UNC79: variants seen among roughly 807,000 people sequenced by gnomAD.
The protein encoded by UNC79 is protein unc-79 homolog.
Under a neutral mutation model 283.1 loss-of-function variants are expected in UNC79, and 37 were observed. The ratio of observed to expected loss-of-function variants is 0.13; its 90% CI spans 0.10 to 0.17. UNC79 has a LOEUF of 0.17. UNC79 is among the 10% of genes least tolerant of loss of function. The probability of loss-of-function intolerance (pLI) is 1.00; values close to 1 mark genes in which losing one functional copy is unlikely to be tolerated. For missense variants in UNC79, 2,272 were observed against 3,211.1 expected, an observed-to-expected ratio of 0.71 and a Z score of 7.07; for synonymous variants, 1,107 against 1,200.2, an observed-to-expected ratio of 0.92 and a Z score of 1.61.
intron 41 of UNC79, among the ~76,000 whole-genome samples, chr14:93,674,801 TG>T (rs994140320): frequency 3.5e-4 from 53 of 152,232 alleles, no homozygotes; most frequent in African/African-American, 1.2e-3. Flanking sequence ...CTGTATTGCA[TG>T]GGGGGGTTCA....
chr14:93,454,546 A>G (rs540699398), intron 1 of UNC79, among the ~76,000 whole-genome samples: 31 of 152,206 alleles, frequency 2.0e-4, no homozygotes, highest in Admixed American at 1.2e-3. Context: ...TTTACCTCCT[A>G]TGTGATCTTG....
intron 40 of UNC79, among the ~76,000 whole-genome samples, chr14:93,670,529 T>C (rs2072729500): frequency 6.6e-6 from 1 of 152,240 alleles, no homozygotes. Context: ...GCAAGGCACA[T>C]GGGAAGGGGC....
intron 1 of UNC79, among the ~76,000 whole-genome samples, chr14:93,378,033 C>A (rs1265733535): frequency 6.6e-6 from 1 of 152,144 alleles, no homozygotes; most frequent in Non-Finnish European, 1.5e-5. Context: ...TTTTAGAAAT[C>A]ACTAAAAATA....
intron 39 of UNC79, among the ~76,000 whole-genome samples, chr14:93,661,584 C>T (rs936554001): frequency 1.3e-5 from 2 of 152,182 alleles, no homozygotes; most frequent in Admixed American, 6.5e-5. Context: ...GCTTTGAATT[C>T]TACCTGATAC....
At chr14:93,704,817 G>C (rs1012442205) in intron 48 of UNC79, 151 bp downstream of exon 51, 3 of 957,150 alleles carry the variant, frequency 3.1e-6, no homozygotes, top group Non-Finnish European at 3.2e-6. Context: ...AGACCTGTGG[G>C]CCAGGTAAGG....
chr14:93,640,584 C>T (rs1566836508), intron 32 of UNC79, among the ~76,000 whole-genome samples: 1 of 152,152 alleles, frequency 6.6e-6, no homozygotes, highest in Non-Finnish European at 1.5e-5. Context: ...GCTGTGCTCA[C>T]GCCACTGCAT....
At chr14:93,444,287 G>GT (rs1456060657) in intron 1 of UNC79, among the ~76,000 whole-genome samples, 1 of 151,850 alleles carries the variant, frequency 6.6e-6, no homozygotes, top group Non-Finnish European at 1.5e-5. Flanking sequence ...ATTTTTATTG[G>GT]TTTTTTTGAT....
Position 93,690,491 on chromosome 14 carries a change from G to A in UNC79, c.7272+188G>A, listed in dbSNP as rs978684154. ...AGATTCCCAGACTGTCTTTCCCCCCGCCCCCAAATTGTTTTTCGGCTTACT... is the reference window on the plus strand; with the variant it reads ...AGATTCCCAGACTGTCTTTCCCCCCACCCCCAAATTGTTTTTCGGCTTACT... On this transcript the variant is annotated intron_variant, in intron 45 of 48. Transcript: ENST00000555664. This position sits in a 1 kb window ranked among gnomAD's most constrained non-coding sequence, Gnocchi z 4.3. 4 of 582,814 alleles carry A rather than the reference G, an allele frequency of 6.9e-6. No individual in the cohort carries two copies. Among genetic ancestry groups the A allele is most frequent in the South Asian group, 4.4e-5 (1 of 22,628 alleles). 36.1% of individuals were successfully genotyped at this position (582,814 alleles called of 1,614,324 possible).
At chr14:93,489,159 A>C (rs2058603023) in intron 5 of UNC79, among the ~76,000 whole-genome samples, 1 of 152,192 alleles carries the variant, frequency 6.6e-6, no homozygotes, top group South Asian at 2.1e-4. Flanking sequence ...GACTGGCCTC[A>C]AACTCCAGAC....
intron 19 of UNC79, 112 bp downstream of exon 19, chr14:93,580,488 C>T (rs1014505083): frequency 4.3e-5 from 46 of 1,080,564 alleles, no homozygotes; most frequent in Admixed American, 2.0e-4. Context: ...CTGGGTTATA[C>T]GTGAGACTGT....
chr14:93,496,448 T>C (rs1287608122), exon 6 of UNC79: 3 of 1,549,574 alleles, frequency 1.9e-6, no homozygotes, highest in South Asian at 2.6e-5. Context: ...TCATGAAATA[T>C]AAACAAGAAG....
intron 1 of UNC79, among the ~76,000 whole-genome samples, chr14:93,410,489 G>C (rs1424271663): frequency 1.3e-5 from 2 of 152,296 alleles, no homozygotes; most frequent in Admixed American, 6.5e-5. Context: ...GCAGCTAGGG[G>C]AGTGCTTGTG....
chr14:93,679,320 G>A (rs1047422396), intron 41 of UNC79, among the ~76,000 whole-genome samples: 1 of 152,198 alleles, frequency 6.6e-6, no homozygotes, highest in Non-Finnish European at 1.5e-5. Context: ...TTAGCTGGAT[G>A]TGGTGGCATC....
chr14:93,421,047 C>A (rs1047840983), intron 1 of UNC79, among the ~76,000 whole-genome samples: 3 of 151,194 alleles, frequency 2.0e-5, no homozygotes, highest in African/African-American at 7.3e-5. Context: ...CATAAAGAAC[C>A]AGAAAATCAA....
At chr14:93,391,783 G>A (rs895795274) in intron 1 of UNC79, among the ~76,000 whole-genome samples, 1 of 152,072 alleles carries the variant, frequency 6.6e-6, no homozygotes, top group Non-Finnish European at 1.5e-5. Context: ...AAAAAAAGAC[G>A]ATTTATATAA....
chr14:93,582,521 C>G (rs957856518), intron 20 of UNC79, among the ~76,000 whole-genome samples, 177 bp downstream of exon 20: 6 of 152,140 alleles, frequency 3.9e-5, no homozygotes, highest in Non-Finnish European at 5.9e-5. Context: ...GTTACAGTTC[C>G]CATAGAACCC....
chr14:93,404,798 G>A (rs12432125), intron 1 of UNC79, among the ~76,000 whole-genome samples: 13,635 of 151,352 alleles, frequency 0.09, 670 homozygotes, highest in Middle Eastern at 0.13. Context: ...GGCTATTTGC[G>A]TCTTAAAGGA....
rs71429793 is a variant in UNC79 at position 93,399,190 on chromosome 14, G to C, written c.-351+65667G>C. ...ACAGCATGAGGAAGACTGCCCCCAT[G>C]ACCCAAACACCTCCCTCCCTCTACA... On this transcript the variant is annotated intron_variant, in intron 1 of 49. Transcript: ENST00000256339. Among the ~76,000 whole-genome samples, 1,013 of 152,098 alleles carry C rather than the reference G, an allele frequency of 6.7e-3. 3 individuals carry two copies. The highest frequency in any genetic ancestry group is 0.011 in the Non-Finnish European group (720 of 67,984).
chr14:93,403,111 C>T (rs2055145282), intron 1 of UNC79, among the ~76,000 whole-genome samples: 1 of 152,174 alleles, frequency 6.6e-6, no homozygotes, highest in Non-Finnish European at 1.5e-5. Flanking sequence ...GTCAGCCTTT[C>T]ACTGAGTAGT....
Sources: allele counts gnomAD v4.1 joint callset (sites outside exome capture counted in the v4.1 genomes callset), GRCh38; gene constraint gnomAD v4.1.1; non-coding constraint Gnocchi (gnomAD v3.1); transcripts MANE v1.5; gene names NCBI Gene and HGNC (gene_info 2026-07-23, HGNC 2026-07-21).